GPC6: variants seen among roughly 807,000 people sequenced by gnomAD.
The protein encoded by GPC6 is glypican 6.
Under a neutral mutation model 55.2 loss-of-function variants are expected in GPC6, and 14 were observed. The observed-to-expected ratio is 0.25, with a 90% CI of 0.17 to 0.40. GPC6 has a LOEUF of 0.40. Ranked by LOEUF, GPC6 falls within the 10% of genes least tolerant of loss-of-function variation. The pLI, the probability that GPC6 is intolerant of heterozygous loss-of-function variation, is 1.00. For synonymous variants in GPC6, 278 were observed against 259.6 expected (o/e 1.07, Z -0.68); for missense variants, 641 against 708.5 (o/e 0.90, Z 1.08).
chr13:94,336,184 T>C (rs1877689597), intron 6 of GPC6, among the ~76,000 whole-genome samples: 1 of 152,186 alleles, frequency 6.6e-6, no homozygotes, highest in Non-Finnish European at 1.5e-5. Context: ...GATTACCTCC[T>C]GTTCTCCTGC....
intron 1 of GPC6, among the ~76,000 whole-genome samples, chr13:93,375,735 TTG>T (rs1874865157): frequency 6.6e-6 from 1 of 152,192 alleles, no homozygotes; most frequent in Non-Finnish European, 1.5e-5. Context: ...CCTGCTTCCC[TTG>T]GCCCTGATTT....
At chr13:93,753,070 A>G (rs1208780390) in intron 2 of GPC6, among the ~76,000 whole-genome samples, 2 of 152,126 alleles carry the variant, frequency 1.3e-5, no homozygotes, top group African/African-American at 2.4e-5. Flanking sequence ...ATTAAGAGGG[A>G]GTTCTTGCTT....
intron 4 of GPC6, among the ~76,000 whole-genome samples, chr13:94,054,460 G>T (rs892666010): frequency 6.6e-6 from 1 of 152,202 alleles, no homozygotes; most frequent in South Asian, 2.1e-4. Flanking sequence ...GGTGGGGAAT[G>T]TGTGTTTCTA....
At chr13:94,382,335 T>C in intron 6 of GPC6, 79 bp from the exon 7 acceptor site, 1 of 1,472,812 alleles carries the variant, frequency 6.8e-7, no homozygotes, top group South Asian at 1.1e-5. Context: ...TCTATAACCC[T>C]CGCCTGCGTA....
At chr13:93,854,525 A>G (rs1178880214) in intron 3 of GPC6, among the ~76,000 whole-genome samples, 1 of 151,766 alleles carries the variant, frequency 6.6e-6, no homozygotes, top group Non-Finnish European at 1.5e-5. Flanking sequence ...TTTCACTGGT[A>G]ATCCACTGAA....
At chr13:94,088,288 G>A (rs1483171007) in intron 4 of GPC6, among the ~76,000 whole-genome samples, 1 of 152,084 alleles carries the variant, frequency 6.6e-6, no homozygotes, top group Non-Finnish European at 1.5e-5. Context: ...GCTAGGAAAA[G>A]GGAAACTATA....
chr13:93,983,113 A>G (rs965608645), intron 3 of GPC6, among the ~76,000 whole-genome samples: 4 of 152,218 alleles, frequency 2.6e-5, no homozygotes, highest in Admixed American at 6.5e-5. Flanking sequence ...TTTATAAGCA[A>G]TGATTACGCA....
At chr13:93,770,493 A>G (rs1273963674) in intron 2 of GPC6, among the ~76,000 whole-genome samples, 1 of 152,118 alleles carries the variant, frequency 6.6e-6, no homozygotes, top group Non-Finnish European at 1.5e-5. Flanking sequence ...GATGTGTTAT[A>G]TCATCTTCTT....
chr13:93,683,336 A>G (rs1376036363), intron 2 of GPC6, among the ~76,000 whole-genome samples: 4 of 152,092 alleles, frequency 2.6e-5, no homozygotes, highest in African/African-American at 9.7e-5. Flanking sequence ...TAATCTTGTC[A>G]AAGAGGTTCC....
At chr13:93,696,451 T>A (rs1882455190) in intron 2 of GPC6, among the ~76,000 whole-genome samples, 1 of 152,162 alleles carries the variant, frequency 6.6e-6, no homozygotes, top group Non-Finnish European at 1.5e-5. Context: ...ACTATTTTAA[T>A]ACACCTTTTC....
At chr13:93,798,917 T>G (rs1205586643) in intron 2 of GPC6, among the ~76,000 whole-genome samples, 1 of 43,990 alleles carries the variant, frequency 2.3e-5, no homozygotes, top group East Asian at 4.3e-4. Flanking sequence ...AGACTCTGTC[T>G]CAAAAAAAAA....
intron 1 of GPC6, among the ~76,000 whole-genome samples, chr13:93,435,945 C>G (rs1037214669): frequency 3.9e-5 from 6 of 152,142 alleles, no homozygotes; most frequent in Non-Finnish European, 7.4e-5. Flanking sequence ...AACACTTACC[C>G]TTAGTGATCC....
chr13:93,693,281 C>T (rs1474716948), intron 2 of GPC6, among the ~76,000 whole-genome samples: 1 of 152,040 alleles, frequency 6.6e-6, no homozygotes, highest in Non-Finnish European at 1.5e-5. Context: ...ATTAATACGT[C>T]TAAAACAGTA....
intron 4 of GPC6, among the ~76,000 whole-genome samples, chr13:94,134,033 A>G (rs1887099348): frequency 1.3e-5 from 2 of 152,192 alleles, no homozygotes; most frequent in South Asian, 2.1e-4. Flanking sequence ...CAACAAAAAT[A>G]TGTGTACTGC....
intron 3 of GPC6, among the ~76,000 whole-genome samples, chr13:93,859,609 T>C (rs1041831852): frequency 2.6e-5 from 4 of 151,700 alleles, no homozygotes; most frequent in African/African-American, 9.7e-5. Flanking sequence ...AAGAGAAAGA[T>C]AGCACGTATA....
rs1159355920 is a variant in GPC6 at position 94,232,652 on chromosome 13, G to A, written c.878-53697G>A. On this transcript the variant is annotated intron_variant, in intron 4 of 8. Transcript: ENST00000377047. ...TATTTGGTAATTAAAAACCAAGTGT[G>A]AAGAGCTTATGGATTTTATTCAACG... 2.0e-5 allele frequency among the ~76,000 whole-genome samples: 3 copies of A among 152,262 alleles called. No homozygotes were observed. The South Asian group carries it at 6.2e-4, about 32-fold the overall frequency.
intron 3 of GPC6, among the ~76,000 whole-genome samples, chr13:93,995,572 A>T (rs1881506324): frequency 6.6e-6 from 1 of 152,160 alleles, no homozygotes; most frequent in South Asian, 2.1e-4. Flanking sequence ...AATATGGTTA[A>T]CCTGGTATAT....
chr13:93,496,392 ACTG>A (rs1880283516), intron 1 of GPC6, among the ~76,000 whole-genome samples: 1 of 151,846 alleles, frequency 6.6e-6, no homozygotes, highest in Non-Finnish European at 1.5e-5. Flanking sequence ...TCGCGCACCC[ACTG>A]GCCTGCGCCC....
At chr13:94,118,695 T>C (rs1028162346) in intron 4 of GPC6, among the ~76,000 whole-genome samples, 1 of 152,140 alleles carries the variant, frequency 6.6e-6, no homozygotes, top group Admixed American at 6.6e-5. Flanking sequence ...TTCTCCCTTC[T>C]TTAGCTATAG....
Sources: gnomAD v4.1 joint callset for allele counts (sites outside exome capture counted in the v4.1 genomes callset) on GRCh38, gnomAD v4.1.1 for gene constraint, MANE v1.5 for transcripts, NCBI Gene and HGNC (gene_info 2026-07-23, HGNC 2026-07-21) for gene names.